MRPL47: variants seen among roughly 807,000 people sequenced by gnomAD.
The protein encoded by MRPL47 is mitochondrial ribosomal protein L47.
Under a neutral mutation model 34.0 loss-of-function variants are expected in MRPL47, and 31 were observed. The observed-to-expected ratio is 0.91, with a 90% CI of 0.68 to 1.23. The LOEUF is 1.23. MRPL47 is among the 50% of genes most tolerant of loss of function. The probability of loss-of-function intolerance (pLI) is 0.00; values close to 1 mark genes in which losing one functional copy is unlikely to be tolerated. For synonymous variants in MRPL47, 106 were observed against 101.6 expected (o/e 1.04, Z -0.26); for missense variants, 328 against 285.8 (o/e 1.15, Z -1.07).
rs138418740 is a variant in MRPL47 at position 179,592,483 on chromosome 3, C to T, written c.629+161G>A. Among the ~76,000 whole-genome samples the T allele has an allele frequency of 6.9e-4, 105 of 152,212 alleles. 2 individuals carry two copies. The East Asian group carries it at 0.012, about 17-fold the overall frequency. On this transcript the variant is annotated intron_variant, in intron 6 of 6. Coordinates refer to ENST00000476781, the MANE Select transcript of MRPL47 (RefSeq NM_020409.3). Reference sequence around the variant, plus strand: ...TGCTGGGATTACAGGTGTGAGCCACCGCACCCAGCCTGACTTTCCTATTTT... The same window carrying T: ...TGCTGGGATTACAGGTGTGAGCCACTGCACCCAGCCTGACTTTCCTATTTT...
At chr3:179,592,777 A>T (rs1263505543) in intron 5 of MRPL47, 38 bp from the exon 6 acceptor site, 1 of 1,267,662 alleles carries the variant, frequency 7.9e-7, no homozygotes, top group East Asian at 2.3e-5. Context: ...CTTAAAGAAA[A>T]CATTTAATAC....
intron 4 of MRPL47, 30 bp downstream of exon 4, chr3:179,598,645 T>C (rs887351958): frequency 1.1e-5 from 14 of 1,314,584 alleles, no homozygotes; most frequent in Non-Finnish European, 1.5e-5. Flanking sequence ...TAATCATGTA[T>C]ACCAGTCTCC....
chr3:179,590,770 C>T (rs930009125), intron 6 of MRPL47, among the ~76,000 whole-genome samples: 3 of 150,986 alleles, frequency 2.0e-5, no homozygotes, highest in South Asian at 2.1e-4. Context: ...TCAAGAAGTT[C>T]GGTAATTCAA....
chr3:179,602,597 G>A, intron 2 of MRPL47, 55 bp downstream of exon 2: 1 of 694,636 alleles, frequency 1.4e-6, no homozygotes, highest in South Asian at 2.1e-5. Context: ...GTTGGGCGGG[G>A]CGGGGGGGGG....
At chr3:179,600,521 A>G (rs116263323) in intron 3 of MRPL47, among the ~76,000 whole-genome samples, 1,613 of 152,252 alleles carry the variant, frequency 0.011, 24 homozygotes, top group African/African-American at 0.031. Flanking sequence ...ATGAGCCTAT[A>G]ATCCCAGCTA....
At chr3:179,591,855 TG>T (rs1718680647) in intron 6 of MRPL47, among the ~76,000 whole-genome samples, 2 of 152,074 alleles carry the variant, frequency 1.3e-5, no homozygotes, top group South Asian at 4.1e-4. Context: ...TTTTTTGAGA[TG>T]AAGTCTCACT....
In MRPL47 at chr3:179,598,533, A is replaced by G. The variant is rs546079788; in HGVS notation, c.402+142T>C. ...CGATGGAAATGTTTCCAAAGGAGCT[A>G]TGATGGTTGCACTACTCAAATTTAC... is the stretch of plus-strand genomic sequence containing the variant. On this transcript the variant is annotated intron_variant, in intron 4 of 6. Transcript: ENST00000476781. 1.3e-5 allele frequency: 8 copies of G among 592,794 alleles called. No individual in the cohort carries two copies. The East Asian group carries it at 2.4e-4, about 18-fold the overall frequency. 36.7% of individuals were successfully genotyped at this position (592,794 alleles called of 1,614,324 possible).
intron 6 of MRPL47, among the ~76,000 whole-genome samples, chr3:179,589,710 G>C (rs1011502975): frequency 6.6e-6 from 1 of 152,184 alleles, no homozygotes; most frequent in Non-Finnish European, 1.5e-5. Context: ...ATATGCCAGT[G>C]CTATGGGAGA....
intron 6 of MRPL47, 51 bp from the exon 7 acceptor site, chr3:179,589,046 A>G: frequency 6.5e-7 from 1 of 1,535,622 alleles, no homozygotes; most frequent in Non-Finnish European, 8.8e-7. Flanking sequence ...TTTCCTTGTT[A>G]TTCAATACTA....
Position 179,588,865 on chromosome 3 carries a change from A to G in MRPL47, c.*7T>C, listed in dbSNP as rs749990039. ...AACAAAATGGTAAATTTAATAGTTC[A>G]GACATCTTAGACAAGACTTGACTTT... On this transcript the variant is annotated 3_prime_UTR_variant, in exon 7 of 7. Coordinates refer to ENST00000476781, the MANE Select transcript of MRPL47 (RefSeq NM_020409.3). The G allele has an allele frequency of 6.2e-7, 1 of 1,612,038 alleles. No individual in the cohort carries two copies. Among genetic ancestry groups the G allele is most frequent in the Admixed American group, 1.7e-5 (1 of 59,596 alleles).
rs1718576520 is a variant in MRPL47 at position 179,588,374 on chromosome 3, G to GAATT, written c.*494_*497dup. On this transcript the variant is annotated 3_prime_UTR_variant, in exon 7 of 7. Transcript: ENST00000476781. ...CTATGCTTTTTACCTTAGGCTTACA[G>GAATT]AATTAAATAAAAATTAGCCATTCCA... 1.0e-5 allele frequency: 2 copies of GAATT among 192,770 alleles called. No homozygotes were observed. The highest frequency in any genetic ancestry group is 2.9e-4 in the South Asian group (2 of 6,960). The allele number at this position is 192,770 out of a possible 1,614,324, so 11.9% of individuals were successfully genotyped here. A position where few individuals can be genotyped will look rare whatever the true frequency, so the allele number is the denominator to read the frequency against.
In MRPL47 at chr3:179,588,756, AT is replaced by A. The variant is rs1401038073; in HGVS notation, c.*115del. ...GCCATATTCACACTTAGAACAACTG[AT>A]TAGTAAAGTCACTTGACTAAAAACA... On this transcript the variant is annotated 3_prime_UTR_variant, in exon 7 of 7. Coordinates refer to ENST00000476781, the MANE Select transcript of MRPL47 (RefSeq NM_020409.3). 1.0e-6 allele frequency: 1 copy of A among 992,052 alleles called. No individual in the cohort carries two copies. The highest frequency in any genetic ancestry group is 2.4e-5 in the Admixed American group (1 of 41,280). The allele number at this position is 992,052 out of a possible 1,614,324, so 61.5% of individuals were successfully genotyped here. A position where few individuals can be genotyped will look rare whatever the true frequency, so the allele number is the denominator to read the frequency against.
chr3:179,598,348 C>G (rs917931143), intron 4 of MRPL47, among the ~76,000 whole-genome samples: 1 of 146,278 alleles, frequency 6.8e-6, no homozygotes, highest in East Asian at 2.1e-4. Context: ...GATATCACAC[C>G]ACTGCACTCC....
Position 179,588,819 on chromosome 3 carries a change from G to A in MRPL47, c.*53C>T. 4 of 1,562,182 alleles carry A rather than the reference G, an allele frequency of 2.6e-6. No individual in the cohort carries two copies. The highest frequency in any genetic ancestry group is 2.3e-5 in the South Asian group (2 of 87,094). ...TAAACCACTTAACATATTTACTCCT[G>A]TACACAGACTATTCAAGAAAAACAA... On this transcript the variant is annotated 3_prime_UTR_variant, in exon 7 of 7. Transcript: ENST00000476781.
At chr3:179,595,206 C>T (rs1043535957) in intron 4 of MRPL47, among the ~76,000 whole-genome samples, 11 of 151,962 alleles carry the variant, frequency 7.2e-5, no homozygotes, top group African/African-American at 2.4e-4. Context: ...CCACCACACC[C>T]GACTAATTTT....
intron 6 of MRPL47, among the ~76,000 whole-genome samples, chr3:179,592,419 C>T (rs1459987164): frequency 6.6e-6 from 1 of 152,034 alleles, no homozygotes; most frequent in Non-Finnish European, 1.5e-5. Flanking sequence ...TGGTCTCGAT[C>T]GCCTGACCTC....
At chr3:179,597,575 G>C (rs1303749679) in intron 4 of MRPL47, among the ~76,000 whole-genome samples, 10 of 152,182 alleles carry the variant, frequency 6.6e-5, no homozygotes, top group Admixed American at 6.5e-4. Flanking sequence ...TTGGGAGGCT[G>C]AGGCGGGCAG....
Position 179,602,654 on chromosome 3 carries a change from G to A in MRPL47, c.242C>T (p.Ser81Phe). The A allele has an allele frequency of 3.1e-6, 5 of 1,597,874 alleles. No homozygotes were observed. In the Admixed American group the frequency reaches 8.5e-5, roughly 27 times the overall value. ...PKNWGQEKVK[S>F]GAAWTCQQLR... The stretch of plus-strand genomic sequence containing the variant: ...GTTGACAAATCCAAGTATCTCACCA[G>A]ATTTTACTTTTTCTTGCCCCCAGTT... The change falls in exon 2 of 7, where the codon TCT (serine) becomes TTT (phenylalanine). Residue 81 changes from serine to phenylalanine, a missense_variant and splice_region_variant. Ser to Phe is a radical substitution (Grantham distance 155). Transcript: ENST00000476781.
At chr3:179,596,297 C>T (rs1718786330) in intron 4 of MRPL47, among the ~76,000 whole-genome samples, 3 of 152,166 alleles carry the variant, frequency 2.0e-5, no homozygotes, top group Admixed American at 2.0e-4. Context: ...CTTCCTTAAA[C>T]AGTTCCAAAT....
Sources: gnomAD v4.1 joint callset for allele counts (sites outside exome capture counted in the v4.1 genomes callset) on GRCh38, gnomAD v4.1.1 for gene constraint, MANE v1.5 for transcripts, NCBI Gene and HGNC (gene_info 2026-07-23, HGNC 2026-07-21) for gene names.